Variants in NPAS3 observed in about 807,000 individuals in gnomAD.
NPAS3 encodes the protein neuronal PAS domain protein 3.
NPAS3 carries 14 observed loss-of-function variants against 73.1 expected under a neutral mutation model. The ratio of observed to expected loss-of-function variants is 0.19; its 90% CI spans 0.13 to 0.30. NPAS3 has a LOEUF of 0.30. Ranked by LOEUF, NPAS3 falls within the 10% of genes least tolerant of loss-of-function variation. The pLI is 1.00. For synonymous variants in NPAS3, 620 were observed against 541.5 expected (o/e 1.14, Z -2.01); for missense variants, 1,096 against 1,250.0 (o/e 0.88, Z 1.86).
intron 6 of NPAS3, among the ~76,000 whole-genome samples, chr14:33,707,061 G>A (rs1349914575): frequency 5.3e-5 from 8 of 152,166 alleles, no homozygotes; most frequent in Admixed American, 3.9e-4. Flanking sequence ...TAAGCTTGGG[G>A]GAGAGATAAC....
At chr14:33,324,278 G>T (rs2043590432) in intron 3 of NPAS3, among the ~76,000 whole-genome samples, 1 of 152,168 alleles carries the variant, frequency 6.6e-6, no homozygotes, top group Admixed American at 6.6e-5. Flanking sequence ...CAGGACTTGG[G>T]AATAAGGACG....
chr14:33,053,367 G>C (rs1257404340), intron 1 of NPAS3, among the ~76,000 whole-genome samples: 1 of 152,102 alleles, frequency 6.6e-6, no homozygotes, highest in East Asian at 1.9e-4. Context: ...GTTAAAATTA[G>C]TCATAGCTTA....
At chr14:33,303,305 A>G (rs1048840052) in intron 3 of NPAS3, among the ~76,000 whole-genome samples, 1 of 152,088 alleles carries the variant, frequency 6.6e-6, no homozygotes, top group Non-Finnish European at 1.5e-5. Flanking sequence ...TAGATTTATA[A>G]TTTACAGAGG....
intron 9 of NPAS3, among the ~76,000 whole-genome samples, chr14:33,790,173 A>T (rs1231773564): frequency 6.6e-6 from 1 of 152,174 alleles, no homozygotes; most frequent in Admixed American, 6.5e-5. Context: ...TCATTGTGTG[A>T]TGAGTATCTA....
intron 1 of NPAS3, among the ~76,000 whole-genome samples, chr14:33,048,565 TAC>T (rs2040592227): frequency 6.6e-6 from 1 of 152,248 alleles, no homozygotes; most frequent in Non-Finnish European, 1.5e-5. Flanking sequence ...TGCTGTTCTC[TAC>T]ACACCCTTTC....
chr14:33,756,076 T>C (rs1409391697), intron 7 of NPAS3, among the ~76,000 whole-genome samples: 5 of 152,220 alleles, frequency 3.3e-5, no homozygotes, highest in African/African-American at 1.2e-4. Context: ...AACATGAAGT[T>C]TGGTGAGGGC....
chr14:33,005,258 T>TAC (rs2038960945), intron 1 of NPAS3, among the ~76,000 whole-genome samples: 1 of 152,176 alleles, frequency 6.6e-6, no homozygotes, highest in Non-Finnish European at 1.5e-5. Flanking sequence ...AGTAACATGT[T>TAC]GCGATGATAG....
intron 4 of NPAS3, among the ~76,000 whole-genome samples, chr14:33,452,774 CAAAAAAAAAAAAAA>C (rs61640170): frequency 3.7e-5 from 2 of 53,840 alleles, no homozygotes; most frequent in Admixed American, 3.4e-4. Context: ...GACTCTGTCT[CAAAAAAAAAAAAAA>C]AAAAAAAAAA....
chr14:33,701,461 G>T (rs1365687995), intron 6 of NPAS3, among the ~76,000 whole-genome samples: 1 of 152,162 alleles, frequency 6.6e-6, no homozygotes, highest in Non-Finnish European at 1.5e-5. Flanking sequence ...TTGAAAAAGG[G>T]ATTTGCTCAA....
At chr14:33,383,381 A>G (rs2046642099) in intron 4 of NPAS3, among the ~76,000 whole-genome samples, 1 of 152,174 alleles carries the variant, frequency 6.6e-6, no homozygotes, top group African/African-American at 2.4e-5. Flanking sequence ...GGGCAGCATT[A>G]TTAAAAAGTC....
chr14:33,389,465 T>C (rs2046908545), intron 4 of NPAS3, among the ~76,000 whole-genome samples: 2 of 152,176 alleles, frequency 1.3e-5, no homozygotes, highest in Admixed American at 6.5e-5. Context: ...CTATTAAATA[T>C]TATGTTCAAC....
At chr14:33,498,931 A>AGTGTGTGT (rs768888278) in intron 4 of NPAS3, among the ~76,000 whole-genome samples, 21 of 119,326 alleles carry the variant, frequency 1.8e-4, no homozygotes, top group South Asian at 1.3e-3. Flanking sequence ...AGAGACAGAG[A>AGTGTGTGT]GAGAGTGTGT....
intron 2 of NPAS3, among the ~76,000 whole-genome samples, chr14:33,133,539 G>A (rs1418894848): frequency 1.3e-5 from 2 of 152,134 alleles, no homozygotes; most frequent in African/African-American, 4.8e-5. Flanking sequence ...TCTAATGAAT[G>A]TGTAAGTGCC....
At chr14:33,001,957 G>T (rs1440688754) in intron 1 of NPAS3, among the ~76,000 whole-genome samples, 1 of 152,136 alleles carries the variant, frequency 6.6e-6, no homozygotes, top group African/African-American at 2.4e-5. Context: ...ACTCCAGGCA[G>T]ACTGGTCACA....
chr14:33,794,544 A>G (rs2138640891), intron 10 of NPAS3, among the ~76,000 whole-genome samples: 1 of 151,720 alleles, frequency 6.6e-6, no homozygotes, highest in Admixed American at 6.6e-5. Flanking sequence ...TGGGCATTAA[A>G]GTTTCGGTAA....
intron 3 of NPAS3, among the ~76,000 whole-genome samples, chr14:33,233,145 T>C (rs764218553): frequency 6.6e-6 from 1 of 152,156 alleles, no homozygotes; most frequent in Non-Finnish European, 1.5e-5. Context: ...TATTTTAATT[T>C]TGAATGAATC....
chr14:33,275,263 C>T (rs1421105182), intron 3 of NPAS3, among the ~76,000 whole-genome samples: 5 of 152,152 alleles, frequency 3.3e-5, no homozygotes, highest in Non-Finnish European at 5.9e-5. Context: ...AGATACTGCT[C>T]TTTTATTACT....
Position 33,543,194 on chromosome 14 carries a change from A to G in NPAS3, c.469-16927A>G, listed in dbSNP as rs2067046. Among the ~76,000 whole-genome samples the G allele has an allele frequency of 4.5e-3, 683 of 152,188 alleles. 5 individuals are homozygous for G. Among genetic ancestry groups the G allele is most frequent in the African/African-American group, 0.015 (642 of 41,520 alleles). ...CAGCTCTCATCTGAAACACAAACTG[A>G]GTTTGAGGAAGCTTAGGAACAGTCT... On this transcript the variant is annotated intron_variant, in intron 4 of 11. Transcript: ENST00000356141.
At chr14:33,095,889 G>A (rs559856757) in intron 2 of NPAS3, among the ~76,000 whole-genome samples, 1 of 151,544 alleles carries the variant, frequency 6.6e-6, no homozygotes, top group South Asian at 2.1e-4. Context: ...TGCCAGGATG[G>A]TCTCGATCTC....
Sources: allele counts gnomAD v4.1 joint callset (sites outside exome capture counted in the v4.1 genomes callset), GRCh38; gene constraint gnomAD v4.1.1; transcripts MANE v1.5; gene names NCBI Gene and HGNC (gene_info 2026-07-23, HGNC 2026-07-21).